The following MAST4 variants were observed in gnomAD, a reference collection of about 807,000 sequenced individuals.
The protein encoded by MAST4 is microtubule-associated serine/threonine-protein kinase 4.
Under a neutral mutation model 162.7 loss-of-function variants are expected in MAST4, and 89 were observed. The observed-to-expected ratio is 0.55, with a 90% CI of 0.46 to 0.65. MAST4 has a LOEUF of 0.65. Ranked by LOEUF, MAST4 falls within the 30% of genes least tolerant of loss-of-function variation. The pLI is 0.00. For missense variants in MAST4, 3,153 were observed against 3,374.0 expected, an observed-to-expected ratio of 0.93 and a Z score of 1.62; for synonymous variants, 1,479 against 1,361.1, an observed-to-expected ratio of 1.09 and a Z score of -1.91.
At chr5:66,822,656 G>A (rs989904108) in intron 3 of MAST4, among the ~76,000 whole-genome samples, 12 of 152,062 alleles carry the variant, frequency 7.9e-5, no homozygotes, top group Non-Finnish European at 1.6e-4. Flanking sequence ...AAGTAGCTGG[G>A]GCCCTGCTGC....
chr5:66,845,126 T>TATATACACACACACAC (rs1358855625), intron 3 of MAST4, among the ~76,000 whole-genome samples: 3 of 67,172 alleles, frequency 4.5e-5, no homozygotes, highest in African/African-American at 1.7e-4. Flanking sequence ...TATATATATA[T>TATATACACACACACAC]ACACACACAC....
chr5:66,935,973 T>C (rs754320451), intron 4 of MAST4, among the ~76,000 whole-genome samples: 1 of 152,118 alleles, frequency 6.6e-6, no homozygotes, highest in Non-Finnish European at 1.5e-5. Context: ...CGGCGCCCAG[T>C]CTTTAATCCT....
chr5:67,095,038 C>T (rs925506536), intron 6 of MAST4, among the ~76,000 whole-genome samples: 1 of 152,136 alleles, frequency 6.6e-6, no homozygotes, highest in African/African-American at 2.4e-5. Context: ...AGCATAAGGT[C>T]AGTTACTTAC....
At chr5:67,131,779 C>G (rs377347944) in intron 15 of MAST4, 34 bp from the exon 16 acceptor site, 11 of 1,608,216 alleles carry the variant, frequency 6.8e-6, no homozygotes, top group Non-Finnish European at 8.5e-7. Flanking sequence ...AAGCCTTCAT[C>G]CTATAGCTAC....
At position 67,167,108 on chromosome 5, in the gene MAST4, T is replaced by G; in HGVS notation, c.*57T>G. ...CCCGTCCTGAACGGGCGACTGTGTC[T>G]TGACTACCTTTCAAAACCAGCACTG... On this transcript the variant is annotated 3_prime_UTR_variant, in exon 29 of 29. Coordinates refer to ENST00000403625, the MANE Select transcript of MAST4 (RefSeq NM_001164664.2). The G allele has an allele frequency of 7.0e-7, 1 of 1,430,768 alleles. No homozygotes were observed. The highest frequency in any genetic ancestry group is 1.4e-5 in the African/African-American group (1 of 70,058). The allele number at this position is 1,430,768 out of a possible 1,614,324, so 88.6% of individuals were successfully genotyped here.
intron 4 of MAST4, among the ~76,000 whole-genome samples, chr5:66,905,073 A>G (rs1763259520): frequency 6.6e-6 from 1 of 152,134 alleles, no homozygotes; most frequent in Admixed American, 6.5e-5. Flanking sequence ...TGGGAGGCCA[A>G]GGCAGGTGGA....
chr5:66,788,262 T>C lies in MAST4; in HGVS notation c.518-408T>C, dbSNP rs951418345. Among the ~76,000 whole-genome samples the C allele has an allele frequency of 3.9e-4, 60 of 152,230 alleles. 1 individual carries two copies. Among genetic ancestry groups the C allele is most frequent in the Non-Finnish European group, 7.5e-4 (51 of 68,032 alleles). ...TGGTCATGATCTCCACTTTGTAGATTATTTTATAATTGAGTCCTAGATCAC... is the reference window on the plus strand; with the variant it reads ...TGGTCATGATCTCCACTTTGTAGATCATTTTATAATTGAGTCCTAGATCAC... On this transcript the variant is annotated intron_variant, in intron 2 of 28. Transcript: ENST00000403625.
chr5:66,790,816 A>G (rs1755361698), intron 3 of MAST4, among the ~76,000 whole-genome samples: 1 of 152,152 alleles, frequency 6.6e-6, no homozygotes, highest in Non-Finnish European at 1.5e-5. Context: ...TTTTATTAAG[A>G]GCTTATTTTA....
intron 4 of MAST4, among the ~76,000 whole-genome samples, chr5:66,951,704 T>G (rs1744727596): frequency 6.6e-6 from 1 of 151,894 alleles, no homozygotes; most frequent in South Asian, 2.1e-4. Context: ...TTTATAACTT[T>G]GTGCTTTTCT....
At chr5:66,900,193 ATATT>A (rs1762921467) in intron 4 of MAST4, among the ~76,000 whole-genome samples, 1 of 152,112 alleles carries the variant, frequency 6.6e-6, no homozygotes, top group Non-Finnish European at 1.5e-5. Flanking sequence ...ACCTAAATGT[ATATT>A]TATTCCTCGG....
intron 3 of MAST4, chr5:66,828,734 G>T: frequency 6.7e-7 from 1 of 1,500,434 alleles, no homozygotes; most frequent in Non-Finnish European, 9.1e-7. Flanking sequence ...ATCAGCTAGA[G>T]CGTGATGTAA....
chr5:66,703,720 G>C (rs1749930851), intron 1 of MAST4, among the ~76,000 whole-genome samples: 1 of 152,134 alleles, frequency 6.6e-6, no homozygotes, highest in Non-Finnish European at 1.5e-5. Context: ...CAGAAGAATG[G>C]TTTTGTTATT....
chr5:67,011,955 T>C (rs1467633850), intron 4 of MAST4, among the ~76,000 whole-genome samples: 1 of 152,128 alleles, frequency 6.6e-6, no homozygotes, highest in Admixed American at 6.5e-5. Context: ...ATAAGAATTA[T>C]GGAGCATATG....
intron 26 of MAST4, among the ~76,000 whole-genome samples, chr5:67,159,091 T>A (rs1329976033): frequency 2.0e-5 from 3 of 152,236 alleles, no homozygotes; most frequent in Non-Finnish European, 4.4e-5. Context: ...TAATTTTGAT[T>A]CACCCATCTG....
intron 4 of MAST4, among the ~76,000 whole-genome samples, chr5:67,046,511 T>C (rs1757389420): frequency 6.6e-6 from 1 of 152,232 alleles, no homozygotes. Context: ...CTTTAAACAC[T>C]TTGAAACAAC....
intron 5 of MAST4, among the ~76,000 whole-genome samples, chr5:67,063,031 A>G (rs952756766): frequency 2.0e-5 from 3 of 152,206 alleles, no homozygotes; most frequent in Admixed American, 6.5e-5. Flanking sequence ...GAGCCCCAAG[A>G]TCAGATTTCT....
intron 23 of MAST4, among the ~76,000 whole-genome samples, chr5:67,147,986 GA>G (rs1222876237): frequency 6.6e-6 from 1 of 152,152 alleles, no homozygotes; most frequent in Non-Finnish European, 1.5e-5. Context: ...CCTTAGCCTA[GA>G]CCACAGCTGT....
intron 4 of MAST4, among the ~76,000 whole-genome samples, chr5:67,019,206 GAAAGGCGTCC>G (rs1753678313): frequency 6.6e-6 from 1 of 152,220 alleles, no homozygotes; most frequent in Non-Finnish European, 1.5e-5. Context: ...GGGCACATTG[GAAAGGCGTCC>G]AGAGGCCGCT....
Position 67,104,554 on chromosome 5 carries a change from A to C in MAST4, c.1335A>C (p.Lys445Asn), listed in dbSNP as rs749918256. 1.5e-5 allele frequency: 24 copies of C among 1,613,410 alleles called. 1 individual carries two copies. The South Asian group carries it at 2.3e-4, about 16-fold the overall frequency. The change falls in exon 10 of 29, where the codon AAA (lysine) becomes AAC (asparagine). Residue 445 changes from lysine to asparagine, a missense_variant. Lys to Asn is a moderately conservative substitution (Grantham distance 94). Coordinates refer to ENST00000403625, the MANE Select transcript of MAST4 (RefSeq NM_001164664.2). ...GATACTTCCTTGAATTACAGCACAA[A>C]TTAGATAAGTTGCTACAGGAGGTAA... is the stretch of plus-strand genomic sequence containing the variant. Reference protein sequence around the residue: ...TSRYFLELQHKLDKLLQEAHD... With the variant: ...TSRYFLELQHNLDKLLQEAHD...
Sources: gnomAD v4.1 joint callset for allele counts (sites outside exome capture counted in the v4.1 genomes callset) on GRCh38, gnomAD v4.1.1 for gene constraint, MANE v1.5 for transcripts, NCBI Gene and HGNC (gene_info 2026-07-23, HGNC 2026-07-21) for gene names.